Variants in DNAAF19 observed in about 807,000 individuals in gnomAD.
DNAAF19 encodes the protein coiled-coil domain containing 103.
chr17:44,904,305 C>T, the DNAAF19 span: 1 of 1,546,858 alleles, frequency 6.5e-7, no homozygotes, highest in African/African-American at 1.4e-5. Context: ...GAGCCCTTTG[C>T]AGATGAATAC....
At chr17:44,902,909 C>T in the DNAAF19 span, 414 of 1,435,800 alleles carry the variant, frequency 2.9e-4, 4 homozygotes, top group African/African-American at 5.2e-3. Flanking sequence ...AATAAGAAAC[C>T]CACACCTGGT....
chr17:44,902,069 C>T, the DNAAF19 span, among the ~76,000 whole-genome samples: 1 of 152,218 alleles, frequency 6.6e-6, no homozygotes, highest in African/African-American at 2.4e-5. Context: ...ATCCACCCGA[C>T]TTACAGTAAA....
chr17:44,901,288 A>C, the DNAAF19 span: 1 of 1,057,790 alleles, frequency 9.5e-7, no homozygotes, highest in East Asian at 2.7e-5. Context: ...CTGAGTCTCA[A>C]TTATTTATCT....
chr17:44,904,706 C>A, the DNAAF19 span: 1 of 1,550,576 alleles, frequency 6.4e-7, no homozygotes, highest in South Asian at 1.2e-5. Context: ...TCCTGGGGCC[C>A]GGCCAGAGCA....
the DNAAF19 span, chr17:44,904,597 C>T: frequency 1.9e-6 from 3 of 1,550,594 alleles, no homozygotes; most frequent in Non-Finnish European, 2.6e-6. Flanking sequence ...TGCTGGCCAT[C>T]ATTAACTATG....
the DNAAF19 span, chr17:44,900,892 G>C: frequency 8.4e-7 from 1 of 1,190,348 alleles, no homozygotes; most frequent in East Asian, 2.7e-5. Flanking sequence ...TGTCCAGAGT[G>C]CTTTGGGGTC....
chr17:44,905,197 C>A, the DNAAF19 span: 1 of 740,578 alleles, frequency 1.4e-6, no homozygotes, highest in Non-Finnish European at 2.2e-6. Flanking sequence ...CTGTTACAGC[C>A]TGCTCCCCAT....
the DNAAF19 span, chr17:44,904,093 G>T: frequency 1.3e-6 from 2 of 1,550,628 alleles, no homozygotes; most frequent in East Asian, 2.4e-5. Flanking sequence ...GGGTGCTGAC[G>T]GAGGCAGCCC....
At chr17:44,905,207 TTTTC>T in the DNAAF19 span, 1 of 702,124 alleles carries the variant, frequency 1.4e-6, no homozygotes, top group Non-Finnish European at 2.4e-6. Flanking sequence ...CTGCTCCCCA[TTTTC>T]ATGGGCAGGT....
chr17:44,903,154 A>T, the DNAAF19 span: 4 of 1,263,776 alleles, frequency 3.2e-6, no homozygotes, highest in Non-Finnish European at 4.0e-6. Flanking sequence ...TACAGCCTCC[A>T]CTCATAAAAG....
chr17:44,903,639 C>T, the DNAAF19 span: 1 of 1,431,336 alleles, frequency 7.0e-7, no homozygotes, highest in Non-Finnish European at 9.1e-7. Context: ...GTTAGAAGGG[C>T]ATCTTGTACA....
the DNAAF19 span, chr17:44,903,828 G>T: frequency 1.1e-4 from 175 of 1,548,992 alleles, no homozygotes; most frequent in Non-Finnish European, 1.4e-4. Context: ...CCTCCTTCAG[G>T]TATGCACCTG....
the DNAAF19 span, chr17:44,903,269 T>G: frequency 8.0e-7 from 1 of 1,249,574 alleles, no homozygotes; most frequent in Non-Finnish European, 1.0e-6. Context: ...CAACAAATGA[T>G]CAAATACTAC....
At chr17:44,902,691 G>T in the DNAAF19 span, 3 of 1,613,974 alleles carry the variant, frequency 1.9e-6, no homozygotes, top group Non-Finnish European at 2.5e-6. Context: ...TGCAAGCCAT[G>T]GGCAACCCCA....
At chr17:44,902,637 G>A in the DNAAF19 span, 1 of 1,614,212 alleles carries the variant, frequency 6.2e-7, no homozygotes, top group East Asian at 2.2e-5. Context: ...TAAGCCTGCT[G>A]AGCCGGGCAG....
At chr17:44,904,243 G>T in the DNAAF19 span, 2 of 1,550,534 alleles carry the variant, frequency 1.3e-6, no homozygotes, top group East Asian at 4.9e-5. Context: ...CCTACGATGT[G>T]GACATCCAGA....
the DNAAF19 span, chr17:44,905,243 G>A: frequency 1.6e-5 from 10 of 616,282 alleles, no homozygotes; most frequent in Non-Finnish European, 2.6e-5. Context: ...TCTGAGAAGT[G>A]GAGGGGCCTG....
the DNAAF19 span, chr17:44,902,908 C>A: frequency 7.0e-7 from 1 of 1,435,976 alleles, no homozygotes; most frequent in Non-Finnish European, 9.1e-7. Context: ...TAATAAGAAA[C>A]CCACACCTGG....
At chr17:44,904,603 CTA>C in the DNAAF19 span, 52 of 1,550,494 alleles carry the variant, frequency 3.4e-5, no homozygotes, top group Non-Finnish European at 4.3e-5. Flanking sequence ...CCATCATTAA[CTA>C]TGTGTCCAAA....
Sources: allele counts gnomAD v4.1 joint callset (sites outside exome capture counted in the v4.1 genomes callset), GRCh38; gene constraint gnomAD v4.1.1; transcripts MANE v1.5; gene names NCBI Gene and HGNC (gene_info 2026-07-23, HGNC 2026-07-21).